Variants in ARHGEF26 observed in about 807,000 individuals in gnomAD.
ARHGEF26 encodes Rho guanine nucleotide exchange factor 26.
In ARHGEF26, 59 loss-of-function variants were observed where a neutral mutation model predicts 89.4. The ratio of observed to expected loss-of-function variants is 0.66; its 90% CI spans 0.54 to 0.82. The LOEUF (loss-of-function observed/expected upper bound fraction) is 0.82. ARHGEF26 is among the 40% of genes least tolerant of loss of function. ARHGEF26 has a pLI of 0.00. For synonymous variants in ARHGEF26, 500 were observed against 428.4 expected, an observed-to-expected ratio of 1.17 and a Z score of -2.06; for missense variants, 1,234 against 1,085.6, an observed-to-expected ratio of 1.14 and a Z score of -1.92.
chr3:154,173,485 A>G (rs1041956196), intron 6 of ARHGEF26, among the ~76,000 whole-genome samples: 1 of 152,184 alleles, frequency 6.6e-6, no homozygotes, highest in East Asian at 1.9e-4. Context: ...AATTATTGCA[A>G]TTTGCAAACT....
intron 6 of ARHGEF26, among the ~76,000 whole-genome samples, chr3:154,174,885 A>G (rs1053731883): frequency 1.3e-5 from 2 of 152,146 alleles, no homozygotes; most frequent in Non-Finnish European, 2.9e-5. Flanking sequence ...AAACTGAGAA[A>G]ATGCTTAAAA....
chr3:154,130,514 C>T (rs1009435841), intron 4 of ARHGEF26, among the ~76,000 whole-genome samples: 1 of 152,102 alleles, frequency 6.6e-6, no homozygotes, highest in Admixed American at 6.6e-5. Flanking sequence ...ATATTCTGTT[C>T]CATCTCTGTG....
intron 9 of ARHGEF26, among the ~76,000 whole-genome samples, chr3:154,208,082 G>A (rs1352665650): frequency 6.6e-6 from 1 of 152,104 alleles, no homozygotes; most frequent in Non-Finnish European, 1.5e-5. Flanking sequence ...ACATACACTG[G>A]GGCCTATTGG....
chr3:154,191,500 T>G, intron 8 of ARHGEF26, 82 bp downstream of exon 8: 1 of 1,480,156 alleles, frequency 6.8e-7, no homozygotes, highest in Admixed American at 2.2e-5. Context: ...TTATTCCACT[T>G]AAATTGATGC....
chr3:154,155,808 A>T (rs1720306735), intron 6 of ARHGEF26, among the ~76,000 whole-genome samples: 2 of 152,000 alleles, frequency 1.3e-5, no homozygotes. Context: ...CTAAGAGGCC[A>T]GGAAAACTGA....
At chr3:154,183,765 A>G (rs115173762) in intron 6 of ARHGEF26, among the ~76,000 whole-genome samples, 3,649 of 152,302 alleles carry the variant, frequency 0.024, 133 homozygotes, top group African/African-American at 0.083. Context: ...TATTTTTAAT[A>G]TCGTACTTTG....
At chr3:154,201,484 A>G (rs1209735445) in intron 9 of ARHGEF26, among the ~76,000 whole-genome samples, 1 of 152,174 alleles carries the variant, frequency 6.6e-6, no homozygotes, top group Non-Finnish European at 1.5e-5. Context: ...GTGTCTTTAT[A>G]GCAGCATGTT....
intron 6 of ARHGEF26, among the ~76,000 whole-genome samples, chr3:154,175,757 A>ATGTTTTGTTT (rs974533012): frequency 1.3e-5 from 2 of 152,040 alleles, no homozygotes; most frequent in African/African-American, 2.4e-5. Flanking sequence ...TTGGCACTGT[A>ATGTTTTGTTT]TGTTTTGTTT....
chr3:154,141,316 C>A (rs565150866), intron 4 of ARHGEF26, among the ~76,000 whole-genome samples: 19 of 152,300 alleles, frequency 1.2e-4, no homozygotes, highest in African/African-American at 4.1e-4. Context: ...GTGAGTTACA[C>A]AGTTTAGTTG....
chr3:154,171,560 CT>C (rs1395331675), intron 6 of ARHGEF26, among the ~76,000 whole-genome samples: 1 of 152,066 alleles, frequency 6.6e-6, no homozygotes, highest in African/African-American at 2.4e-5. Context: ...AACCAGTGAT[CT>C]TTTTTATTAT....
At chr3:154,135,308 G>T (rs1239150636) in intron 4 of ARHGEF26, among the ~76,000 whole-genome samples, 2 of 151,890 alleles carry the variant, frequency 1.3e-5, no homozygotes, top group African/African-American at 4.8e-5. Context: ...GTCTTGGGAG[G>T]GTATATGTGT....
intron 11 of ARHGEF26, among the ~76,000 whole-genome samples, chr3:154,234,261 C>G (rs1027496678): frequency 6.6e-6 from 1 of 152,198 alleles, no homozygotes; most frequent in African/African-American, 2.4e-5. Flanking sequence ...CTTCCTTTCA[C>G]TATCCTGGGT....
intron 10 of ARHGEF26, among the ~76,000 whole-genome samples, chr3:154,225,070 C>T (rs572678855): frequency 1.3e-5 from 2 of 151,018 alleles, no homozygotes; most frequent in East Asian, 1.9e-4. Flanking sequence ...AAAAAAAAAG[C>T]TTTCAAGGGT....
Position 154,256,568 on chromosome 3 carries a change from A to C in ARHGEF26, c.*1095A>C, listed in dbSNP as rs1430773218. Reference sequence around the variant, plus strand: ...TTAATTAAAAAAAAAAAAAAAAAAAAAAAAAAACCTTCCCAAATGAGCTGA... The same window carrying C: ...TTAATTAAAAAAAAAAAAAAAAAAACAAAAAAACCTTCCCAAATGAGCTGA... On this transcript the variant is annotated 3_prime_UTR_variant, in exon 15 of 15. Transcript: ENST00000465093. 48 of 1,001,598 alleles carry C rather than the reference A, an allele frequency of 4.8e-5. No homozygotes were observed. Among genetic ancestry groups the C allele is most frequent in the East Asian group, 9.0e-5 (1 of 11,078 alleles). 62.0% of individuals were successfully genotyped at this position (1,001,598 alleles called of 1,614,324 possible).
At chr3:154,148,532 G>A (rs1374525062) in intron 4 of ARHGEF26, among the ~76,000 whole-genome samples, 2 of 146,364 alleles carry the variant, frequency 1.4e-5, no homozygotes, top group Non-Finnish European at 3.0e-5. Context: ...TGTGTAGGTC[G>A]CTAAGCCCAG....
intron 4 of ARHGEF26, among the ~76,000 whole-genome samples, chr3:154,131,605 G>A (rs1480884618): frequency 6.6e-6 from 1 of 152,162 alleles, no homozygotes; most frequent in Non-Finnish European, 1.5e-5. Flanking sequence ...TCAGTTGTTG[G>A]TATGGACCAT....
intron 11 of ARHGEF26, 90 bp downstream of exon 11, chr3:154,226,100 C>G: frequency 3.4e-6 from 4 of 1,162,058 alleles, no homozygotes; most frequent in Non-Finnish European, 4.7e-6. Context: ...CCTTTAAAAG[C>G]TAGAAATGTT....
At chr3:154,204,581 C>T (rs547473152) in intron 9 of ARHGEF26, among the ~76,000 whole-genome samples, 2 of 151,988 alleles carry the variant, frequency 1.3e-5, no homozygotes, top group African/African-American at 2.4e-5. Flanking sequence ...CCCCCCGCCT[C>T]GGCCTACCAA....
At chr3:154,254,598 C>A in intron 13 of ARHGEF26, 122 bp from the exon 14 acceptor site, 1 of 708,796 alleles carries the variant, frequency 1.4e-6, no homozygotes, top group East Asian at 2.6e-5. Context: ...TATTAGAAGC[C>A]CAACTTGTTT....
Sources: gnomAD v4.1 joint callset for allele counts (sites outside exome capture counted in the v4.1 genomes callset) on GRCh38, gnomAD v4.1.1 for gene constraint, MANE v1.5 for transcripts, NCBI Gene and HGNC (gene_info 2026-07-23, HGNC 2026-07-21) for gene names.